Variants in ROBO1 observed in about 807,000 individuals in gnomAD.
ROBO1 encodes the protein roundabout guidance receptor 1, also known as roundabout homolog 1.
In ROBO1, 149 loss-of-function variants were observed where a neutral mutation model predicts 195.9. The ratio of observed to expected loss-of-function variants is 0.76; its 90% confidence interval spans 0.67 to 0.87. ROBO1 has a LOEUF of 0.87. Ranked by LOEUF, ROBO1 falls within the 40% of genes least tolerant of loss-of-function variation. ROBO1 has a pLI of 0.00. For missense variants in ROBO1, 1,933 were observed against 2,068.3 expected (o/e 0.93, Z 1.27); for synonymous variants, 816 against 733.2 (o/e 1.11, Z -1.82).
At chr3:79,670,603 A>AT (rs1283667504) in intron 1 of ROBO1, among the ~76,000 whole-genome samples, 1 of 151,842 alleles carries the variant, frequency 6.6e-6, no homozygotes, top group Non-Finnish European at 1.5e-5. Context: ...GGTTTCTATT[A>AT]TTTGAAAAAA....
chr3:78,931,590 A>G (rs542543304), intron 4 of ROBO1, among the ~76,000 whole-genome samples: 7 of 152,238 alleles, frequency 4.6e-5, no homozygotes, highest in African/African-American at 1.7e-4. Context: ...AAAACAACAG[A>G]AGAACTTTTA....
intron 2 of ROBO1, among the ~76,000 whole-genome samples, chr3:79,276,541 T>C (rs1454951994): frequency 1.3e-5 from 2 of 151,948 alleles, no homozygotes. Flanking sequence ...CTGGGCAAAC[T>C]GTCTAAGACA....
chr3:79,716,000 TA>T, intron 1 of ROBO1, among the ~76,000 whole-genome samples: 1 of 152,076 alleles, frequency 6.6e-6, no homozygotes, highest in Admixed American at 6.6e-5. Context: ...AGAATGAAAT[TA>T]TTTTTTCCAA....
chr3:79,654,862 C>G (rs955854665), intron 1 of ROBO1, among the ~76,000 whole-genome samples: 23 of 151,936 alleles, frequency 1.5e-4, no homozygotes, highest in African/African-American at 5.6e-4. Flanking sequence ...CTGTTTGGCT[C>G]TGATGATCCA....
At chr3:79,242,532 T>C (rs2082539055) in intron 2 of ROBO1, among the ~76,000 whole-genome samples, 1 of 152,120 alleles carries the variant, frequency 6.6e-6, no homozygotes. Context: ...TTTTCACATA[T>C]AGGAAAGTAG....
chr3:79,706,570 G>C (rs1421490671), intron 1 of ROBO1, among the ~76,000 whole-genome samples: 1 of 152,134 alleles, frequency 6.6e-6, no homozygotes, highest in Non-Finnish European at 1.5e-5. Flanking sequence ...GGAGGGACCC[G>C]GTAGGGGGTA....
intron 1 of ROBO1, among the ~76,000 whole-genome samples, chr3:79,755,007 A>C (rs1471483936): frequency 6.6e-6 from 1 of 151,890 alleles, no homozygotes; most frequent in Non-Finnish European, 1.5e-5. Context: ...CAGCCTCCCG[A>C]GTAGCTGGGA....
At chr3:79,744,036 T>C (rs1703765999) in intron 1 of ROBO1, among the ~76,000 whole-genome samples, 2 of 152,106 alleles carry the variant, frequency 1.3e-5, no homozygotes, top group African/African-American at 4.8e-5. Context: ...ACCAGTAACA[T>C]AGTCATTTAT....
intron 2 of ROBO1, among the ~76,000 whole-genome samples, chr3:79,580,012 A>C (rs1015827219): frequency 1.8e-4 from 27 of 152,136 alleles, no homozygotes; most frequent in African/African-American, 6.3e-4. Context: ...TAAAACATTG[A>C]AATAAAGTTG....
At chr3:78,912,226 C>A (rs966838052) in intron 4 of ROBO1, among the ~76,000 whole-genome samples, 5 of 152,056 alleles carry the variant, frequency 3.3e-5, no homozygotes, top group Admixed American at 3.3e-4. Context: ...TCTGTTTATG[C>A]TGTGCCACGA....
At chr3:78,653,637 G>T (rs1024075049) in intron 18 of ROBO1, among the ~76,000 whole-genome samples, 3 of 152,128 alleles carry the variant, frequency 2.0e-5, no homozygotes, top group African/African-American at 7.2e-5. Flanking sequence ...GTTATTTCAC[G>T]TGTTTTTGTT....
At chr3:78,714,878 T>C (rs1244304706) in intron 7 of ROBO1, 1 of 174,168 alleles carries the variant, frequency 5.7e-6, no homozygotes, top group African/African-American at 2.4e-5. Flanking sequence ...CCTTCTAAGT[T>C]TGTATAACAA....
At chr3:79,419,913 C>T (rs2038157271) in intron 2 of ROBO1, among the ~76,000 whole-genome samples, 1 of 152,000 alleles carries the variant, frequency 6.6e-6, no homozygotes, top group Admixed American at 6.6e-5. Flanking sequence ...GGTATGTATA[C>T]ATAAGGTATA....
chr3:79,586,186 A>T (rs1223021342), intron 2 of ROBO1, among the ~76,000 whole-genome samples: 1 of 152,008 alleles, frequency 6.6e-6, no homozygotes, highest in East Asian at 1.9e-4. Flanking sequence ...ATATGAAAGC[A>T]AAAACAAAAA....
intron 1 of ROBO1, among the ~76,000 whole-genome samples, chr3:79,727,233 A>G (rs1260085487): frequency 2.0e-5 from 3 of 152,162 alleles, no homozygotes; most frequent in Non-Finnish European, 2.9e-5. Flanking sequence ...CCAGGTGAAA[A>G]AGCTAGGGAT....
intron 4 of ROBO1, among the ~76,000 whole-genome samples, chr3:78,835,040 G>A (rs751254913): frequency 7.2e-5 from 11 of 151,842 alleles, no homozygotes; most frequent in African/African-American, 1.5e-4. Context: ...TTCCATTTTC[G>A]ACGGACTTTC....
intron 26 of ROBO1, among the ~76,000 whole-genome samples, chr3:78,626,756 T>TACACACAC (rs10608986): frequency 6.8e-6 from 1 of 146,440 alleles, no homozygotes; most frequent in Admixed American, 6.9e-5. Flanking sequence ...AGCACACACA[T>TACACACAC]ACACACACAC....
At chr3:79,191,917 G>C (rs572891000) in intron 2 of ROBO1, among the ~76,000 whole-genome samples, 3 of 151,370 alleles carry the variant, frequency 2.0e-5, no homozygotes, top group Non-Finnish European at 4.4e-5. Flanking sequence ...TTCACTAGTT[G>C]ATAACTACTT....
In ROBO1 at chr3:79,489,651, C is replaced by CAAA. The variant is rs11328226; in HGVS notation, c.88+100170_88+100172dup. Among the ~76,000 whole-genome samples the CAAA allele has an allele frequency of 1.1e-4, 10 of 88,776 alleles. 2 individuals are homozygous for CAAA. The highest frequency in any genetic ancestry group is 1.7e-4 in the Non-Finnish European group (7 of 41,500). The allele number at this position is 88,776 out of a possible 152,430, so 58.2% of individuals were successfully genotyped here. On this transcript the variant is annotated intron_variant, in intron 2 of 30. Transcript: ENST00000464233. ...GCCTGGGGAGAGTGAGACTTCATCT[C>CAAA]AAAAAAAAAAAAAAAAAAGAAAGAA...
Sources: allele counts gnomAD v4.1 joint callset (sites outside exome capture counted in the v4.1 genomes callset), GRCh38; gene constraint gnomAD v4.1.1; transcripts MANE v1.5; gene names NCBI Gene and HGNC (gene_info 2026-07-23, HGNC 2026-07-21).